Variants in TEF observed in about 807,000 individuals in gnomAD.
The protein encoded by TEF is TEF transcription factor, PAR bZIP family member, also known as thyrotroph embryonic factor.
TEF carries 3 observed loss-of-function variants against 20.8 expected under a neutral mutation model. The ratio of observed to expected loss-of-function variants is 0.14; its 90% confidence interval spans 0.07 to 0.37. TEF has a LOEUF of 0.37. Ranked by LOEUF, TEF falls within the 10% of genes least tolerant of loss-of-function variation. The probability of loss-of-function intolerance (pLI) is 1.00; values close to 1 mark genes in which losing one functional copy is unlikely to be tolerated. For synonymous variants in TEF, 180 were observed against 171.1 expected, an observed-to-expected ratio of 1.05 and a Z score of -0.41; for missense variants, 296 against 397.9, an observed-to-expected ratio of 0.74 and a Z score of 2.18.
chr22:41,372,093 T>A (rs1307651995), intron 1 of TEF, among the ~76,000 whole-genome samples: 1 of 152,096 alleles, frequency 6.6e-6, no homozygotes, highest in African/African-American at 2.4e-5. Context: ...GAGAGGGCCT[T>A]CTATGTGCTG....
chr22:41,389,877 G>A (rs2037145386), intron 2 of TEF, among the ~76,000 whole-genome samples: 1 of 151,994 alleles, frequency 6.6e-6, no homozygotes, highest in African/African-American at 2.4e-5. Flanking sequence ...TATGAATAAT[G>A]CTGCCATGAA....
chr22:41,388,005 T>TTTTTTTTTTTTTTTTTTTTTTTG, intron 2 of TEF, among the ~76,000 whole-genome samples: 1 of 129,126 alleles, frequency 7.7e-6, no homozygotes. Context: ...TTTTTTTTTT[T>TTTTTTTTTTTTTTTTTTTTTTTG]TTTTTTTTTT....
chr22:41,368,254 C>T (rs2036843490), intron 1 of TEF, among the ~76,000 whole-genome samples: 2 of 150,658 alleles, frequency 1.3e-5, no homozygotes, highest in Admixed American at 6.5e-5. Flanking sequence ...GCGGAGAATA[C>T]TGATAAATCT....
chr22:41,382,828 T>G, intron 1 of TEF: 1 of 459,962 alleles, frequency 2.2e-6, no homozygotes, highest in Non-Finnish European at 4.5e-6. Flanking sequence ...GGAGGGGAGT[T>G]TTGGGCCAAG....
intron 1 of TEF, among the ~76,000 whole-genome samples, chr22:41,372,567 C>T (rs967713452): frequency 6.6e-6 from 1 of 152,124 alleles, no homozygotes; most frequent in Non-Finnish European, 1.5e-5. Context: ...CTCCTGACAC[C>T]AGGCTCGTGT....
chr22:41,395,897 C>A lies in TEF; in HGVS notation c.849C>A (p.Arg283=), dbSNP rs1315111525. ...TGCGGACGGAGGTGGCCGAGCTACG[C>A]AAGGAGGTGGGCAAGTGCAAGACCA... The part of the protein sequence containing the change: ...TALRTEVAEL[R]KEVGKCKTIV... Residue 283 remains arginine, a synonymous_variant, in exon 4 of 4, where the codon CGC becomes CGA. Transcript: ENST00000266304. 1.2e-6 allele frequency: 2 copies of A among 1,614,038 alleles called. No homozygotes were observed. Among genetic ancestry groups the A allele is most frequent in the Non-Finnish European group, 1.7e-6 (2 of 1,180,022 alleles).
chr22:41,386,204 C>A (rs1162994811), intron 1 of TEF, among the ~76,000 whole-genome samples: 40 of 152,016 alleles, frequency 2.6e-4, no homozygotes, highest in Admixed American at 2.6e-3. Flanking sequence ...TTTGGGAGGC[C>A]AAGGCAGGTG....
rs990982415 is a variant in TEF, at chr22:41,396,456, C to G, written c.*496C>G. The G allele has an allele frequency of 6.1e-6, 1 of 164,968 alleles. No homozygotes were observed. Among genetic ancestry groups the G allele is most frequent in the Non-Finnish European group, 1.3e-5 (1 of 76,494 alleles). The allele number at this position is 164,968 out of a possible 1,614,324, so 10.2% of individuals were successfully genotyped here. A position where few individuals can be genotyped will look rare whatever the true frequency, so the allele number is the denominator to read the frequency against. The stretch of plus-strand genomic sequence containing the variant: ...AGACAGTCTTTGAGTAACATCTGTT[C>G]CCATCTTCCTTGGAAGCAGGACACA... On this transcript the variant is annotated 3_prime_UTR_variant, in exon 4 of 4. Coordinates refer to ENST00000266304, the MANE Select transcript of TEF (RefSeq NM_003216.4).
intron 1 of TEF, 33 bp from the exon 2 acceptor site, chr22:41,387,318 T>C (rs766645938): frequency 6.2e-6 from 10 of 1,610,908 alleles, no homozygotes; most frequent in Admixed American, 3.3e-5. Flanking sequence ...TACTCTCCTG[T>C]GTGGTATTTC....
chr22:41,378,159 A>T (rs1181792706), upstream of TEF, among the ~76,000 whole-genome samples: 2 of 98,806 alleles, frequency 2.0e-5, no homozygotes, highest in African/African-American at 3.5e-5. Flanking sequence ...AAGCTTCCTT[A>T]GCTTCCTTTT....
At chr22:41,368,591 G>A (rs2036846733) in intron 1 of TEF, among the ~76,000 whole-genome samples, 1 of 152,170 alleles carries the variant, frequency 6.6e-6, no homozygotes, top group Admixed American at 6.5e-5. Context: ...AACTGGGTGT[G>A]GGTTTGCTTG....
At chr22:41,387,985 T>C (rs1203507597) in intron 2 of TEF, among the ~76,000 whole-genome samples, 4 of 56,418 alleles carry the variant, frequency 7.1e-5, no homozygotes, top group African/African-American at 2.9e-4. Context: ...ATGCTGCTCT[T>C]TTTTTTTTTT....
chr22:41,367,461 C>T (rs1229628249), exon 1 of TEF: 1 of 1,475,312 alleles, frequency 6.8e-7, no homozygotes, highest in Non-Finnish European at 9.2e-7. Flanking sequence ...CTCCAGCTGC[C>T]TCTGAACTCC....
upstream of TEF, chr22:41,381,926 G>A (rs1184477381): frequency 1.6e-6 from 2 of 1,226,082 alleles, no homozygotes; most frequent in East Asian, 6.4e-5. Flanking sequence ...AGGCGGGGGC[G>A]CCATTGGGCG....
intron 1 of TEF, among the ~76,000 whole-genome samples, 155 bp downstream of exon 1, chr22:41,382,356 C>CG (rs1007548403): frequency 7.9e-5 from 8 of 100,866 alleles, no homozygotes; most frequent in South Asian, 6.4e-4. Flanking sequence ...AGGACGAGGC[C>CG]GGGGGGCTGA....
At chr22:41,380,393 T>G (rs2037001646), upstream of TEF, among the ~76,000 whole-genome samples, 1 of 152,166 alleles carries the variant, frequency 6.6e-6, no homozygotes, top group Non-Finnish European at 1.5e-5. Context: ...TGACCTCAGG[T>G]GATCCGCCAC....
chr22:41,396,784 A>G lies in TEF; in HGVS notation c.*824A>G. 2.5e-6 allele frequency: 1 copy of G among 396,384 alleles called. No individual in the cohort carries two copies. Among genetic ancestry groups the G allele is most frequent in the Non-Finnish European group, 4.4e-6 (1 of 225,278 alleles). 24.6% of individuals were successfully genotyped at this position (396,384 alleles called of 1,614,324 possible). A position where few individuals can be genotyped will look rare whatever the true frequency, so the allele number is the denominator to read the frequency against. On this transcript the variant is annotated 3_prime_UTR_variant, in exon 4 of 4. Transcript: ENST00000266304. ...TGAAGCTCGTTTGTCCCACTAGACC[A>G]GGCCTCTGGGCCTGCTCTTTCTTTC...
In TEF at chr22:41,387,353, A is replaced by G. The variant is rs1429026179; in HGVS notation, c.160A>G (p.Lys54Glu). The G allele has an allele frequency of 1.2e-6, 2 of 1,613,954 alleles. No individual in the cohort carries two copies. Among genetic ancestry groups the G allele is most frequent in the African/African-American group, 2.7e-5 (2 of 74,926 alleles). The change falls in exon 2 of 4, where the codon AAG (lysine) becomes GAG (glutamate). Residue 54 changes from lysine (K) to glutamate (E), a missense_variant and splice_region_variant. By Grantham distance (56) the Lys-to-Glu change is moderately conservative (BLOSUM62 1). Around this residue, in one of 2 missense-constraint regions of TEF, gnomAD observed 102 missense variants for 80.1 expected, o/e 1.27. Transcript: ENST00000266304. ...ENPPREARLD[K>E]EKGKEKLEED... ...CATCGCAGATTTTGTTTCTGCAGAT[A>G]AGGAAAAGGGGAAGGAAAAGCTGGA...
At chr22:41,371,526 C>T (rs555391281) in intron 1 of TEF, among the ~76,000 whole-genome samples, 7 of 152,270 alleles carry the variant, frequency 4.6e-5, no homozygotes, top group South Asian at 2.1e-4. Flanking sequence ...CTTTAAAAAG[C>T]GGAAAAGAAT....
Sources: allele counts gnomAD v4.1 joint callset (sites outside exome capture counted in the v4.1 genomes callset), GRCh38; gene constraint gnomAD v4.1.1; regional missense constraint gnomAD v4.1.1; transcripts MANE v1.5; gene names NCBI Gene and HGNC (gene_info 2026-07-23, HGNC 2026-07-21).